SHB: variants seen among roughly 807,000 people sequenced by gnomAD.
The protein encoded by SHB is SH2 domain-containing adapter protein B.
Under a neutral mutation model 52.3 loss-of-function variants are expected in SHB, and 20 were observed. The ratio of observed to expected loss-of-function variants is 0.38; its 90% CI spans 0.27 to 0.56. The LOEUF (loss-of-function observed/expected upper bound fraction) is 0.56, where lower values mean the gene tolerates loss of function less well. Ranked by LOEUF, SHB falls within the 20% of genes least tolerant of loss-of-function variation. The probability of loss-of-function intolerance (pLI) is 0.71; values close to 1 mark genes in which losing one functional copy is unlikely to be tolerated. For synonymous variants in SHB, 397 were observed against 316.5 expected, an observed-to-expected ratio of 1.25 and a Z score of -2.70; for missense variants, 825 against 723.3, an observed-to-expected ratio of 1.14 and a Z score of -1.61.
intron 1 of SHB, among the ~76,000 whole-genome samples, chr9:38,045,367 G>C (rs1821638336): frequency 6.6e-6 from 1 of 152,164 alleles, no homozygotes; most frequent in Admixed American, 6.5e-5. Context: ...CTGGGAGGCT[G>C]AGGTGGGTGG....
chr9:38,010,665 A>G (rs1033872470), intron 2 of SHB, among the ~76,000 whole-genome samples: 2 of 152,164 alleles, frequency 1.3e-5, no homozygotes, highest in South Asian at 4.1e-4. Flanking sequence ...GGAGAGCCAC[A>G]TGCTCATCTC....
At chr9:37,921,464 T>C (rs1001504373) in intron 5 of SHB, among the ~76,000 whole-genome samples, 1 of 152,226 alleles carries the variant, frequency 6.6e-6, no homozygotes, top group Non-Finnish European at 1.5e-5. Flanking sequence ...AAATGCTTAA[T>C]GAAGTGCGAG....
chr9:37,961,909 G>A (rs1345085887), intron 3 of SHB, among the ~76,000 whole-genome samples: 2 of 152,124 alleles, frequency 1.3e-5, no homozygotes, highest in East Asian at 1.9e-4. Flanking sequence ...CAGTCTCCTC[G>A]GAGTCTCCCC....
chr9:37,995,139 A>G (rs1002610710), intron 2 of SHB, among the ~76,000 whole-genome samples: 29 of 152,102 alleles, frequency 1.9e-4, no homozygotes, highest in Non-Finnish European at 4.0e-4. Flanking sequence ...AGGCTGGGGG[A>G]AGGGCAGGCG....
At chr9:37,964,563 A>G (rs747230785) in intron 3 of SHB, among the ~76,000 whole-genome samples, 23 of 152,260 alleles carry the variant, frequency 1.5e-4, no homozygotes, top group Admixed American at 3.3e-4. Context: ...ATTTATTGTC[A>G]TAACTCATTA....
At chr9:37,981,958 CA>C (rs1159021304) in intron 2 of SHB, among the ~76,000 whole-genome samples, 1 of 152,012 alleles carries the variant, frequency 6.6e-6, no homozygotes, top group African/African-American at 2.4e-5. Context: ...GTCACCGTAA[CA>C]GCTATAATAA....
intron 4 of SHB, 131 bp from the exon 5 acceptor site, chr9:37,948,885 G>A: frequency 8.4e-7 from 1 of 1,196,388 alleles, no homozygotes; most frequent in Non-Finnish European, 1.2e-6. Context: ...CATTCCATGG[G>A]TACCCACTGC....
intron 5 of SHB, among the ~76,000 whole-genome samples, chr9:37,944,371 C>T (rs906450638): frequency 4.6e-5 from 7 of 152,294 alleles, no homozygotes; most frequent in East Asian, 1.9e-4. Context: ...AGCTGCCAGC[C>T]GGGCAGCCTT....
At chr9:38,001,509 C>T (rs558082263) in intron 2 of SHB, among the ~76,000 whole-genome samples, 107 of 152,370 alleles carry the variant, frequency 7.0e-4, no homozygotes, top group African/African-American at 2.4e-3. Flanking sequence ...GAGAGCCTGG[C>T]CAGTTCTGTC....
At chr9:38,064,476 T>C (rs940229682) in intron 1 of SHB, among the ~76,000 whole-genome samples, 2 of 150,130 alleles carry the variant, frequency 1.3e-5, no homozygotes, top group African/African-American at 2.4e-5. Flanking sequence ...TTCACACACA[T>C]GTATACACTT....
intron 2 of SHB, among the ~76,000 whole-genome samples, chr9:37,986,529 A>G (rs953747050): frequency 6.6e-6 from 1 of 152,166 alleles, no homozygotes; most frequent in Non-Finnish European, 1.5e-5. Context: ...AAAATCCTTT[A>G]AGAAGCTGGC....
intron 2 of SHB, among the ~76,000 whole-genome samples, chr9:37,994,329 TA>T (rs1315545228): frequency 6.6e-6 from 1 of 152,206 alleles, no homozygotes; most frequent in Admixed American, 6.5e-5. Flanking sequence ...ACCGTGCATA[TA>T]AATATTATTC....
chr9:37,961,844 G>A (rs1356608306), intron 3 of SHB, among the ~76,000 whole-genome samples: 1 of 152,210 alleles, frequency 6.6e-6, no homozygotes, highest in Non-Finnish European at 1.5e-5. Context: ...CAACACTGAG[G>A]CATGTAGGTG....
At position 38,035,288 on chromosome 9, in the gene SHB, T is replaced by TG. The variant is rs146318060; in HGVS notation, c.718-19158dup. Among the ~76,000 whole-genome samples, 489 of 151,788 alleles carry TG rather than the reference T, an allele frequency of 3.2e-3. 15 individuals carry two copies. The East Asian group carries it at 0.085, about 27-fold the overall frequency. On this transcript the variant is annotated intron_variant, in intron 1 of 5. Transcript: ENST00000377707. ...GCTATTCAAAGTATAACAGAGTATT[T>TG]GGGGAGGTAGTGAGCTCCCTGTCAC... is the stretch of plus-strand genomic sequence containing the variant.
chr9:38,032,804 G>C (rs986770628), intron 1 of SHB, among the ~76,000 whole-genome samples: 8 of 152,192 alleles, frequency 5.3e-5, no homozygotes, highest in African/African-American at 1.9e-4. Context: ...GCGTTGTTTT[G>C]AAGTTGTCCC....
intron 1 of SHB, among the ~76,000 whole-genome samples, chr9:38,022,163 C>T (rs963197251): frequency 2.0e-5 from 3 of 152,168 alleles, no homozygotes; most frequent in Non-Finnish European, 2.9e-5. Context: ...AGAATATGAT[C>T]ATTGATGAAG....
intron 5 of SHB, among the ~76,000 whole-genome samples, chr9:37,921,195 A>G (rs550426980): frequency 2.0e-5 from 3 of 152,340 alleles, no homozygotes; most frequent in African/African-American, 7.2e-5. Context: ...TCCCTTAGGT[A>G]GAAAGCTGGA....
chr9:37,993,748 G>A (rs953764679), intron 2 of SHB, among the ~76,000 whole-genome samples: 10 of 152,040 alleles, frequency 6.6e-5, no homozygotes, highest in African/African-American at 1.4e-4. Flanking sequence ...TGAGAAATAC[G>A]GAATTTTTGA....
chr9:38,017,060 G>C (rs1266593949), intron 1 of SHB, among the ~76,000 whole-genome samples: 1 of 152,214 alleles, frequency 6.6e-6, no homozygotes, highest in Non-Finnish European at 1.5e-5. Context: ...CTCGATTGCA[G>C]GCTCCAATTA....
Sources: gnomAD v4.1 joint callset for allele counts (sites outside exome capture counted in the v4.1 genomes callset) on GRCh38, gnomAD v4.1.1 for gene constraint, MANE v1.5 for transcripts, NCBI Gene and HGNC (gene_info 2026-07-23, HGNC 2026-07-21) for gene names.